Variants in ITSN1 observed in about 807,000 individuals in gnomAD.
ITSN1 encodes intersectin 1.
A neutral mutation model predicts 239.8 loss-of-function variants in ITSN1; 58 were observed. The ratio of observed to expected loss-of-function variants is 0.24; its 90% CI spans 0.20 to 0.30. The LOEUF (loss-of-function observed/expected upper bound fraction) is 0.30, where lower values mean the gene tolerates loss of function less well. Among genes scored for constraint, ITSN1 ranks in the 10% least tolerant of loss-of-function variants. ITSN1 has a pLI of 1.00. For synonymous variants in ITSN1, 780 were observed against 770.8 expected, an observed-to-expected ratio of 1.01 and a Z score of -0.20; for missense variants, 1,558 against 2,103.3, an observed-to-expected ratio of 0.74 and a Z score of 5.07.
At chr21:33,759,619 C>CCA (rs1172740073) in intron 8 of ITSN1, among the ~76,000 whole-genome samples, 1 of 152,048 alleles carries the variant, frequency 6.6e-6, no homozygotes, top group Non-Finnish European at 1.5e-5. Context: ...TTCCATTGTA[C>CCA]CACAGTCCTT....
intron 33 of ITSN1, among the ~76,000 whole-genome samples, chr21:33,869,531 G>A (rs1046860125): frequency 2.0e-5 from 3 of 152,238 alleles, no homozygotes; most frequent in African/African-American, 7.2e-5. Flanking sequence ...GACACTGTGT[G>A]TTGATATTAG....
At chr21:33,771,040 A>T (rs1182292547) in intron 11 of ITSN1, among the ~76,000 whole-genome samples, 1 of 152,150 alleles carries the variant, frequency 6.6e-6, no homozygotes, top group Admixed American at 6.5e-5. Context: ...TGCTGGGATT[A>T]CAGGTGTGAG....
In ITSN1 at chr21:33,690,778, TATATATATATAC is replaced by T. The variant is rs1248502868; in HGVS notation, c.-32-28007_-32-27996del. Reference sequence around the variant, plus strand: ...TCTGCCTCAGAAAAAAAAAAGTGTATATATATATATACATATATATATATATATATATATATG... The same window carrying T: ...TCTGCCTCAGAAAAAAAAAAGTGTATATATATATATATATATATATATATG... On this transcript the variant is annotated intron_variant, in intron 1 of 39. Transcript: ENST00000381318. Among the ~76,000 whole-genome samples, 3 of 12,720 alleles carry T rather than the reference TATATATATATAC, an allele frequency of 2.4e-4. No individual in the cohort carries two copies. In the African/African-American group the frequency reaches 2.7e-3, roughly 12 times the overall value. The allele number at this position is 12,720 out of a possible 152,430, so 8.3% of individuals were successfully genotyped here.
intron 34 of ITSN1, among the ~76,000 whole-genome samples, chr21:33,877,444 C>T (rs1481406446): frequency 2.0e-5 from 3 of 152,182 alleles, no homozygotes; most frequent in Non-Finnish European, 4.4e-5. Context: ...GGGGTTTGGG[C>T]ATCACAGCCC....
intron 27 of ITSN1, 113 bp from the exon 28 acceptor site, chr21:33,834,194 G>C: frequency 1.4e-6 from 1 of 728,132 alleles, no homozygotes; most frequent in Admixed American, 2.4e-5. Flanking sequence ...TACCGTTAAT[G>C]TCATTTGTTT....
At chr21:33,818,076 C>T (rs2073408094) in intron 22 of ITSN1, 191 bp from the exon 23 acceptor site, 1 of 600,304 alleles carries the variant, frequency 1.7e-6, no homozygotes, top group South Asian at 2.1e-5. Flanking sequence ...CTTTGGCCTC[C>T]ACTTTTGGAA....
chr21:33,713,158 G>C (rs1466551724), intron 1 of ITSN1, among the ~76,000 whole-genome samples: 1 of 152,294 alleles, frequency 6.6e-6, no homozygotes, highest in African/African-American at 2.4e-5. Context: ...GATTCCAGGT[G>C]GGAGCCACCG....
intron 29 of ITSN1, among the ~76,000 whole-genome samples, chr21:33,845,235 G>A (rs547165907): frequency 3.0e-4 from 41 of 138,318 alleles, no homozygotes; most frequent in African/African-American, 1.2e-3. Flanking sequence ...AAAGCTCTCT[G>A]AAGAGGGGGG....
At position 33,823,579 on chromosome 21, in the gene ITSN1, G is replaced by A; in HGVS notation, c.3109G>A (p.Asp1037Asn). 2 of 1,614,186 alleles carry A rather than the reference G, an allele frequency of 1.2e-6. No individual in the cohort carries two copies. Among genetic ancestry groups the A allele is most frequent in the Non-Finnish European group, 1.7e-6 (2 of 1,180,022 alleles). Residue 1037 changes from aspartate (D) to asparagine (N), a missense_variant, in exon 25 of 40, where the codon GAC (aspartate) becomes AAC (asparagine). Asp to Asn is a conservative substitution (Grantham distance 23, BLOSUM62 1). Around this residue, in one of 2 missense-constraint regions of ITSN1, gnomAD observed 576 missense variants for 893.3 expected, o/e 0.64. Coordinates refer to ENST00000381318, the MANE Select transcript of ITSN1 (RefSeq NM_003024.3). ...GATTTTGGTTACCAAGAAAGATGGT[G>A]ACTGGTGGACAGGAACAGTGGGCGA... The part of the protein sequence containing the change: ...DVILVTKKDG[D>N]WWTGTVGDKA...
chr21:33,873,558 C>T (rs60787279), intron 33 of ITSN1, among the ~76,000 whole-genome samples: 3 of 152,170 alleles, frequency 2.0e-5, no homozygotes, highest in African/African-American at 7.2e-5. Context: ...ATTTCTCATG[C>T]GAGGAACCTG....
intron 16 of ITSN1, among the ~76,000 whole-genome samples, chr21:33,789,649 T>C (rs2070950133): frequency 6.6e-6 from 1 of 152,222 alleles, no homozygotes; most frequent in African/African-American, 2.4e-5. Context: ...CTATATATTG[T>C]TCAGGCGCAT....
At chr21:33,689,581 T>G (rs555736076) in intron 1 of ITSN1, among the ~76,000 whole-genome samples, 2 of 152,204 alleles carry the variant, frequency 1.3e-5, no homozygotes, top group African/African-American at 4.8e-5. Flanking sequence ...GAGGCTAACA[T>G]GGGAGGATTG....
intron 27 of ITSN1, 68 bp downstream of exon 27, chr21:33,829,813 G>T (rs1034009685): frequency 1.3e-6 from 2 of 1,579,074 alleles, no homozygotes; most frequent in African/African-American, 1.4e-5. Context: ...TCAAAGGGAC[G>T]CTATTTTATT....
At position 33,891,902 on chromosome 21, in the gene ITSN1, G is replaced by C. The variant is rs910258829; in HGVS notation, c.*3602G>C. 1.3e-5 allele frequency: 2 copies of C among 152,126 alleles called. No homozygotes were observed. The highest frequency in any genetic ancestry group is 2.9e-5 in the Non-Finnish European group (2 of 68,014). 9.4% of individuals were successfully genotyped at this position (152,126 alleles called of 1,614,324 possible). ...GATAAGAAGAAAATGTGTTTTGTAC[G>C]TGTAACAACTTTAAGAATTTCCATT... On this transcript the variant is annotated 3_prime_UTR_variant, in exon 40 of 40. Coordinates refer to ENST00000381318, the MANE Select transcript of ITSN1 (RefSeq NM_003024.3).
intron 29 of ITSN1, among the ~76,000 whole-genome samples, chr21:33,847,701 C>G (rs1345821747): frequency 6.6e-6 from 1 of 152,138 alleles, no homozygotes; most frequent in Non-Finnish European, 1.5e-5. Context: ...TGGTTACAGC[C>G]ATTGAGCCTC....
At chr21:33,864,869 CAG>C (rs1425567346) in intron 31 of ITSN1, among the ~76,000 whole-genome samples, 3 of 152,154 alleles carry the variant, frequency 2.0e-5, no homozygotes, top group African/African-American at 7.2e-5. Context: ...GGCATCGACA[CAG>C]GGGACCCATT....
At chr21:33,802,875 C>A (rs2072113079) in intron 20 of ITSN1, among the ~76,000 whole-genome samples, 1 of 152,190 alleles carries the variant, frequency 6.6e-6, no homozygotes, top group Admixed American at 6.5e-5. Flanking sequence ...AATGGACAGT[C>A]AACAATATGC....
chr21:33,761,073 T>G lies in ITSN1; in HGVS notation c.725-850T>G, dbSNP rs142261809. Among the ~76,000 whole-genome samples the G allele has an allele frequency of 1.8e-3, 270 of 151,354 alleles. 1 individual carries two copies. The highest frequency in any genetic ancestry group is 6.4e-3 in the African/African-American group (264 of 41,242). On this transcript the variant is annotated intron_variant, in intron 8 of 39. Transcript: ENST00000381318. Reference sequence around the variant, plus strand: ...TTTCTTGGCTAACATAGGAAATGTGTTTTGTTTTGTTTTTTTAATTGAGAC... The same window carrying G: ...TTTCTTGGCTAACATAGGAAATGTGGTTTGTTTTGTTTTTTTAATTGAGAC...
Position 33,797,655 on chromosome 21 carries a change from C to T in ITSN1, c.2182+47C>T. ...TATAGAAAATAAGTCATCTTCTCTC[C>T]CAGAGCCTCCTGAAAAATGCCCCTA... is the stretch of plus-strand genomic sequence containing the variant. On this transcript the variant is annotated intron_variant, in intron 18 of 39. Transcript: ENST00000381318. The surrounding 1 kb of genome is among the most constrained non-coding windows in gnomAD (Gnocchi z 4.9). 2.0e-6 allele frequency: 3 copies of T among 1,499,432 alleles called. No homozygotes were observed. Among genetic ancestry groups the T allele is most frequent in the Non-Finnish European group, 2.8e-6 (3 of 1,086,036 alleles). 92.9% of individuals were successfully genotyped at this position (1,499,432 alleles called of 1,614,324 possible).
Sources: gnomAD v4.1 joint callset for allele counts (sites outside exome capture counted in the v4.1 genomes callset) on GRCh38, gnomAD v4.1.1 for gene constraint, gnomAD v4.1.1 regional missense constraint, Gnocchi (gnomAD v3.1) non-coding constraint, MANE v1.5 for transcripts, NCBI Gene and HGNC (gene_info 2026-07-23, HGNC 2026-07-21) for gene names.